The following ASAP1 variants were observed in gnomAD, a reference collection of about 807,000 sequenced individuals.
ASAP1 encodes ArfGAP with SH3 domain, ankyrin repeat and PH domain 1, also known as arf-GAP with SH3 domain, ANK repeat and PH domain-containing protein 1.
Under a neutral mutation model 145.2 loss-of-function variants are expected in ASAP1, and 43 were observed. The ratio of observed to expected loss-of-function variants is 0.30; its 90% CI spans 0.23 to 0.38. The LOEUF is 0.38. Ranked by LOEUF, ASAP1 falls within the 10% of genes least tolerant of loss-of-function variation. ASAP1 has a pLI of 1.00. For synonymous variants in ASAP1, 546 were observed against 515.5 expected, an observed-to-expected ratio of 1.06 and a Z score of -0.80; for missense variants, 1,018 against 1,355.3, an observed-to-expected ratio of 0.75 and a Z score of 3.91.
intron 25 of ASAP1, 36 bp downstream of exon 25, chr8:130,091,937 C>T (rs776999372): frequency 8.1e-6 from 12 of 1,488,580 alleles, no homozygotes; most frequent in South Asian, 1.4e-5. Flanking sequence ...GCTGCCTGGC[C>T]CCAGCAGCTT....
chr8:130,201,386 A>G (rs1226920091), intron 5 of ASAP1, among the ~76,000 whole-genome samples: 1 of 152,244 alleles, frequency 6.6e-6, no homozygotes, highest in African/African-American at 2.4e-5. Context: ...CTCATAAAGT[A>G]CATTTTACTG....
chr8:130,089,890 A>T (rs529720459), intron 25 of ASAP1, among the ~76,000 whole-genome samples: 74 of 152,340 alleles, frequency 4.9e-4, no homozygotes, highest in Non-Finnish European at 2.9e-5. Flanking sequence ...CAACAATCAA[A>T]AGTCCATGCC....
In ASAP1 at chr8:130,259,307, A is replaced by C. The variant is rs190213273; in HGVS notation, c.187-22313T>G. Among the ~76,000 whole-genome samples, 311 of 152,256 alleles carry C rather than the reference A, an allele frequency of 2.0e-3. 3 individuals are homozygous for C. The highest frequency in any genetic ancestry group is 6.8e-3 in the Middle Eastern group (2 of 294). Reference sequence around the variant, plus strand: ...AATCTTCTATTTTCTACTCCTTTTAAATCTGTCCCCTTTTATTTTAGCTAA... The same window carrying C: ...AATCTTCTATTTTCTACTCCTTTTACATCTGTCCCCTTTTATTTTAGCTAA... On this transcript the variant is annotated intron_variant, in intron 3 of 29. Coordinates refer to ENST00000518721, the MANE Select transcript of ASAP1 (RefSeq NM_018482.4).
chr8:130,220,157 A>C (rs1193441477), intron 4 of ASAP1, among the ~76,000 whole-genome samples: 1 of 152,180 alleles, frequency 6.6e-6, no homozygotes, highest in African/African-American at 2.4e-5. Flanking sequence ...TATGAGAATG[A>C]AATCTGGTCT....
At chr8:130,104,834 C>A (rs896540430) in intron 24 of ASAP1, among the ~76,000 whole-genome samples, 3 of 151,738 alleles carry the variant, frequency 2.0e-5, no homozygotes, top group Non-Finnish European at 4.4e-5. Flanking sequence ...CACTGGGAGA[C>A]CAAATAAAAG....
chr8:130,259,176 A>C (rs1421565797), intron 3 of ASAP1, among the ~76,000 whole-genome samples: 1 of 152,246 alleles, frequency 6.6e-6, no homozygotes, highest in Non-Finnish European at 1.5e-5. Context: ...TCACTCACTA[A>C]GATGGGCTGA....
chr8:130,136,627 A>G (rs2097595447), intron 14 of ASAP1, among the ~76,000 whole-genome samples: 1 of 151,886 alleles, frequency 6.6e-6, no homozygotes, highest in Non-Finnish European at 1.5e-5. Flanking sequence ...GATCTAAGAC[A>G]GAAATGGGAA....
chr8:130,437,093 A>G (rs1830338684), intron 1 of ASAP1, among the ~76,000 whole-genome samples: 2 of 148,532 alleles, frequency 1.3e-5, no homozygotes, highest in Non-Finnish European at 3.0e-5. Context: ...CGACAGAGCA[A>G]GATTTCATCT....
intron 3 of ASAP1, among the ~76,000 whole-genome samples, chr8:130,275,160 C>T (rs1402608664): frequency 6.6e-6 from 1 of 152,322 alleles, no homozygotes; most frequent in Non-Finnish European, 1.5e-5. Context: ...CTGAGCACTC[C>T]GAAGGCACTC....
At position 130,115,668 on chromosome 8, in the gene ASAP1, T is replaced by G; in HGVS notation, c.2132A>C (p.Gln711Pro). ...VHVEYEWNLR[Q>P]EEIDESDDDL... ...ATCATCGCTCTCATCTATCTCCTCC[T>G]GTCGAAGATTCCACTCATATTCTAC... Residue 711 changes from glutamine to proline, a missense_variant, in exon 23 of 30, where the codon CAG becomes CCG. By Grantham distance (76) the Gln-to-Pro change is moderately conservative (BLOSUM62 -1). Coordinates refer to ENST00000518721, the MANE Select transcript of ASAP1 (RefSeq NM_018482.4). 6.2e-7 allele frequency: 1 copy of G among 1,614,208 alleles called. No homozygotes were observed. The highest frequency in any genetic ancestry group is 1.1e-5 in the South Asian group (1 of 91,086).
chr8:130,344,355 C>A (rs368250913), intron 3 of ASAP1, among the ~76,000 whole-genome samples: 1 of 151,220 alleles, frequency 6.6e-6, no homozygotes, highest in Admixed American at 6.6e-5. Flanking sequence ...TTTTTTCAGA[C>A]GAGAAAACAT....
intron 27 of ASAP1, among the ~76,000 whole-genome samples, chr8:130,072,143 A>G (rs1234169747): frequency 6.6e-6 from 1 of 152,246 alleles, no homozygotes; most frequent in Non-Finnish European, 1.5e-5. Context: ...ATAAAAAGCC[A>G]AGAGGACAGG....
chr8:130,398,941 A>C (rs1025370845), intron 2 of ASAP1, among the ~76,000 whole-genome samples: 1 of 152,226 alleles, frequency 6.6e-6, no homozygotes, highest in African/African-American at 2.4e-5. Context: ...TTCTATAACA[A>C]TAACTCTCAA....
At chr8:130,268,490 A>AACACACACACACACACACACAC (rs113714700) in intron 3 of ASAP1, among the ~76,000 whole-genome samples, 1 of 133,124 alleles carries the variant, frequency 7.5e-6, no homozygotes, top group Non-Finnish European at 1.6e-5. Context: ...CCCGTCTTAA[A>AACACACACACACACACACACAC]ACACACACAC....
At chr8:130,122,805 C>T (rs867533669) in intron 18 of ASAP1, among the ~76,000 whole-genome samples, 1 of 152,224 alleles carries the variant, frequency 6.6e-6, no homozygotes, top group Admixed American at 6.5e-5. Flanking sequence ...ACAAAGCTGA[C>T]CAGGTGGCGC....
chr8:130,287,559 C>T (rs574198972), intron 3 of ASAP1, among the ~76,000 whole-genome samples: 26 of 152,212 alleles, frequency 1.7e-4, no homozygotes, highest in Non-Finnish European at 2.8e-4. Context: ...CAGTTCAATG[C>T]GATGATGGGG....
chr8:130,322,248 AT>A (rs1326016405), intron 3 of ASAP1, among the ~76,000 whole-genome samples: 3 of 152,122 alleles, frequency 2.0e-5, no homozygotes, highest in Non-Finnish European at 4.4e-5. Context: ...ATAAAAATTC[AT>A]ACTCAGGTTT....
intron 25 of ASAP1, among the ~76,000 whole-genome samples, chr8:130,086,399 G>C (rs2135381384): frequency 6.6e-6 from 1 of 152,358 alleles, no homozygotes; most frequent in East Asian, 1.9e-4. Context: ...CACTCTGTGA[G>C]GCACTTACAA....
Position 130,134,339 on chromosome 8 carries a change from T to TCC in ASAP1, c.1173_1174insGG (p.Arg392GlyfsTer15). 1 of 1,567,610 alleles carries TCC rather than the reference T, an allele frequency of 6.4e-7. No homozygotes were observed. Among genetic ancestry groups the TCC allele is most frequent in the Non-Finnish European group, 8.6e-7 (1 of 1,156,452 alleles). On this transcript the variant is annotated frameshift_variant, in exon 15 of 30. Transcript: ENST00000518721. LOFTEE classifies it high-confidence loss of function. ...TCTTCTGCCTGAAAGTGATATGTTC[T>TCC]ATTATCTAAAATAAAAAAAAAGAAA...
Sources: gnomAD v4.1 joint callset for allele counts (sites outside exome capture counted in the v4.1 genomes callset) on GRCh38, gnomAD v4.1.1 for gene constraint, MANE v1.5 for transcripts, NCBI Gene and HGNC (gene_info 2026-07-23, HGNC 2026-07-21) for gene names.